VWA3A: variants seen among roughly 807,000 people sequenced by gnomAD.
VWA3A encodes the protein von Willebrand factor A domain-containing protein 3A.
A neutral mutation model predicts 160.4 loss-of-function variants in VWA3A; 134 were observed. That is an observed-to-expected ratio of 0.84 (90% CI 0.73 to 0.96). The LOEUF (loss-of-function observed/expected upper bound fraction) is 0.96, where lower values mean the gene tolerates loss of function less well. Among genes scored for constraint, VWA3A ranks in the 40% least tolerant of loss-of-function variants. The pLI is 0.00. For missense variants in VWA3A, 1,310 were observed against 1,447.9 expected (o/e 0.90, Z 1.55); for synonymous variants, 476 against 543.4 (o/e 0.88, Z 1.72).
intron 1 of VWA3A, among the ~76,000 whole-genome samples, chr16:22,093,448 T>C (rs1420114091): frequency 6.6e-6 from 1 of 152,178 alleles, no homozygotes. Context: ...AGATTTCATT[T>C]GAGCAAAGGC....
chr16:22,117,043 C>A, intron 10 of VWA3A, 68 bp from the exon 11 acceptor site: 2 of 1,522,560 alleles, frequency 1.3e-6, no homozygotes, highest in South Asian at 1.2e-5. Context: ...GAGGTTCAGT[C>A]AAGGAGAAGG....
chr16:22,152,402 C>A (rs1373039100), intron 30 of VWA3A, 109 bp from the exon 31 acceptor site: 7 of 1,420,150 alleles, frequency 4.9e-6, no homozygotes, highest in South Asian at 2.8e-5. Flanking sequence ...CATTGCCAGG[C>A]TGATTTCTCT....
intron 9 of VWA3A, chr16:22,116,330 A>G (rs2045645442): frequency 2.3e-6 from 1 of 439,178 alleles, no homozygotes; most frequent in Non-Finnish European, 4.5e-6. Flanking sequence ...GGAAAGATGG[A>G]AGAGAGAGAA....
At chr16:22,148,373 C>A in intron 28 of VWA3A, 67 bp downstream of exon 28, 3 of 1,516,064 alleles carry the variant, frequency 2.0e-6, no homozygotes, top group Non-Finnish European at 1.8e-6. Context: ...GCCAAGCACG[C>A]CCCCTCTTCT....
Position 22,120,951 on chromosome 16 carries a change from T to C in VWA3A, c.1117-17T>C. 6.2e-7 allele frequency: 1 copy of C among 1,613,758 alleles called. No individual in the cohort carries two copies. Among genetic ancestry groups the C allele is most frequent in the South Asian group, 1.1e-5 (1 of 91,056 alleles). Reference sequence around the variant, plus strand: ...TAAAATATGATTATGTAATGAGGGCTTTCTCATTTAACTTAGATTTCCACA... The same window carrying C: ...TAAAATATGATTATGTAATGAGGGCCTTCTCATTTAACTTAGATTTCCACA... On this transcript the variant is annotated splice_polypyrimidine_tract_variant and intron_variant, in intron 12 of 33. Transcript: ENST00000389398.
chr16:22,154,816 C>T (rs552724112), intron 31 of VWA3A, among the ~76,000 whole-genome samples: 2 of 150,236 alleles, frequency 1.3e-5, no homozygotes, highest in African/African-American at 4.9e-5. Flanking sequence ...TAGCCGGGCG[C>T]GGTGGCGGGC....
In VWA3A at chr16:22,123,078, A is replaced by G; in HGVS notation, c.1357-7A>G. 1 of 1,594,646 alleles carries G rather than the reference A, an allele frequency of 6.3e-7. No homozygotes were observed. Among genetic ancestry groups the G allele is most frequent in the Non-Finnish European group, 8.5e-7 (1 of 1,169,736 alleles). ...CTGCTCACCCTCCTGCCCATGCCTG[A>G]GTATAGAAGGCAATGATACAATTTG... is the stretch of plus-strand genomic sequence containing the variant. On this transcript the variant is annotated splice_polypyrimidine_tract_variant and splice_region_variant and intron_variant, in intron 14 of 33. Coordinates refer to ENST00000389398, the MANE Select transcript of VWA3A (RefSeq NM_173615.5).
At chr16:22,144,101 TG>T in intron 25 of VWA3A, 145 bp from the exon 26 acceptor site, 1 of 1,022,520 alleles carries the variant, frequency 9.8e-7, no homozygotes, top group Non-Finnish European at 1.4e-6. Flanking sequence ...GGAATCTGCA[TG>T]GGATGGATGC....
intron 7 of VWA3A, among the ~76,000 whole-genome samples, chr16:22,110,162 A>C (rs559933949): frequency 6.6e-6 from 1 of 152,310 alleles, no homozygotes; most frequent in African/African-American, 2.4e-5. Flanking sequence ...TAAAATGGGG[A>C]TGATAACCCT....
intron 28 of VWA3A, among the ~76,000 whole-genome samples, chr16:22,148,536 C>T (rs558007883): frequency 3.9e-5 from 6 of 152,204 alleles, no homozygotes; most frequent in African/African-American, 1.4e-4. Context: ...TTTTGGGGGC[C>T]AAGGCAGGAG....
chr16:22,135,519 G>C (rs1248130557), intron 21 of VWA3A, among the ~76,000 whole-genome samples: 2 of 152,046 alleles, frequency 1.3e-5, no homozygotes, highest in Admixed American at 1.3e-4. Context: ...ATCCTTTTGG[G>C]GGACACACCT....
At chr16:22,111,966 G>C (rs56235446) in intron 8 of VWA3A, among the ~76,000 whole-genome samples, 332 of 152,266 alleles carry the variant, frequency 2.2e-3, no homozygotes, top group African/African-American at 7.7e-3. Context: ...GCACACACAT[G>C]CATCTGTGTG....
chr16:22,103,093 G>A (rs1246482813), intron 5 of VWA3A, among the ~76,000 whole-genome samples: 1 of 152,188 alleles, frequency 6.6e-6, no homozygotes, highest in Non-Finnish European at 1.5e-5. Context: ...GAGTGCAGTG[G>A]AACAATCATA....
In VWA3A at chr16:22,138,501, G is replaced by A. The variant is rs1258117398; in HGVS notation, c.2281G>A (p.Gly761Arg). ...LCPPRPTVPLGARMSIKDDPD... is the reference protein window; with the variant it reads ...LCPPRPTVPLRARMSIKDDPD... ...CCCTCCCAGGCCCACCGTCCCCCTG[G>A]GGGCCAGAATGGTTTGACTCCCCTC... is the stretch of plus-strand genomic sequence containing the variant. Residue 761 changes from glycine (G) to arginine (R), a missense_variant, in exon 22 of 34, where the codon GGG (glycine) becomes AGG (arginine). By Grantham distance (125) the Gly-to-Arg change is moderately radical. Coordinates refer to ENST00000389398, the MANE Select transcript of VWA3A (RefSeq NM_173615.5). The A allele has an allele frequency of 1.2e-6, 2 of 1,613,898 alleles. No homozygotes were observed. Among genetic ancestry groups the A allele is most frequent in the South Asian group, 2.2e-5 (2 of 91,068 alleles).
Position 22,133,021 on chromosome 16 carries a change from A to C in VWA3A, c.1994A>C (p.His665Pro). The C allele has an allele frequency of 6.2e-7, 1 of 1,613,958 alleles. No homozygotes were observed. Among genetic ancestry groups the C allele is most frequent in the Non-Finnish European group, 8.5e-7 (1 of 1,179,866 alleles). The change falls in exon 20 of 34, where the codon CAC (histidine) becomes CCC (proline). Residue 665 changes from histidine to proline, a missense_variant. By Grantham distance (77) the His-to-Pro change is moderately conservative (BLOSUM62 -2). Coordinates refer to ENST00000389398, the MANE Select transcript of VWA3A (RefSeq NM_173615.5). ...DTTPPARYAS[H>P]TDTAAAYKEV... ...ACACCCCCTGCCCGCTATGCCAGTC[A>C]CACTGACACAGCCGCCGCCTACAAG...
At chr16:22,134,459 A>G (rs1266608821) in intron 21 of VWA3A, 21 bp downstream of exon 21, 1 of 1,569,046 alleles carries the variant, frequency 6.4e-7, no homozygotes, top group Non-Finnish European at 8.7e-7. Flanking sequence ...GGCATGGGCC[A>G]ATGACTGCAC....
chr16:22,134,057 G>A (rs747865988), intron 20 of VWA3A, among the ~76,000 whole-genome samples: 2 of 152,028 alleles, frequency 1.3e-5, no homozygotes, highest in Non-Finnish European at 2.9e-5. Flanking sequence ...TCAACCTCCT[G>A]GATTCAAGCA....
intron 8 of VWA3A, 90 bp from the exon 9 acceptor site, chr16:22,115,257 C>G: frequency 7.1e-7 from 1 of 1,398,848 alleles, no homozygotes; most frequent in Non-Finnish European, 9.5e-7. Context: ...GCCTGGGTAA[C>G]ACAGCAAGCC....
chr16:22,112,021 T>C (rs561030327), intron 8 of VWA3A, among the ~76,000 whole-genome samples: 1 of 152,338 alleles, frequency 6.6e-6, no homozygotes, highest in Admixed American at 6.5e-5. Flanking sequence ...ATAACACTGC[T>C]CTGTACCTTG....
Sources: gnomAD v4.1 joint callset for allele counts (sites outside exome capture counted in the v4.1 genomes callset) on GRCh38, gnomAD v4.1.1 for gene constraint, MANE v1.5 for transcripts, NCBI Gene and HGNC (gene_info 2026-07-23, HGNC 2026-07-21) for gene names.